The following TRPC3 variants were observed in gnomAD, a reference collection of about 807,000 sequenced individuals.
The protein encoded by TRPC3 is short transient receptor potential channel 3.
TRPC3 carries 54 observed loss-of-function variants against 90.9 expected under a neutral mutation model. The ratio of observed to expected loss-of-function variants is 0.59; its 90% confidence interval spans 0.48 to 0.75. The LOEUF (loss-of-function observed/expected upper bound fraction) is 0.75, where lower values mean the gene tolerates loss of function less well. TRPC3 is among the 30% of genes least tolerant of loss of function. The pLI is 0.00. For synonymous variants in TRPC3, 424 were observed against 450.9 expected (o/e 0.94, Z 0.75); for missense variants, 918 against 1,194.5 (o/e 0.77, Z 3.41).
chr4:121,887,317 A>G (rs1034830192), intron 10 of TRPC3, among the ~76,000 whole-genome samples: 2 of 152,178 alleles, frequency 1.3e-5, no homozygotes, highest in Non-Finnish European at 2.9e-5. Flanking sequence ...ATATTTGTCT[A>G]CTTATACTTT....
At chr4:121,924,810 G>C (rs369583311) in intron 3 of TRPC3, among the ~76,000 whole-genome samples, 13 of 152,282 alleles carry the variant, frequency 8.5e-5, no homozygotes, top group Middle Eastern at 3.4e-3. Flanking sequence ...AAAGCGCTGG[G>C]ATTACAGGCC....
At chr4:121,926,047 A>C (rs1729696288) in intron 2 of TRPC3, among the ~76,000 whole-genome samples, 1 of 152,236 alleles carries the variant, frequency 6.6e-6, no homozygotes, top group Non-Finnish European at 1.5e-5. Flanking sequence ...AACTAAGTCA[A>C]CTGTGTTAAA....
intron 9 of TRPC3, among the ~76,000 whole-genome samples, chr4:121,900,400 C>T (rs1028842521): frequency 6.6e-6 from 1 of 152,186 alleles, no homozygotes. Context: ...ACATGGCCCT[C>T]TAGCCAAAGA....
intron 5 of TRPC3, among the ~76,000 whole-genome samples, chr4:121,911,225 A>G (rs1167732225): frequency 1.3e-5 from 2 of 152,230 alleles, no homozygotes; most frequent in Non-Finnish European, 2.9e-5. Flanking sequence ...CATTGGATAA[A>G]ACAAATACAA....
chr4:121,932,916 C>T lies in TRPC3; in HGVS notation c.342G>A (p.Glu114=). 6.2e-7 allele frequency: 1 copy of T among 1,614,118 alleles called. No homozygotes were observed. Among genetic ancestry groups the T allele is most frequent in the Non-Finnish European group, 8.5e-7 (1 of 1,179,994 alleles). The change falls in exon 2 of 12, where the codon GAG becomes GAA. Residue 114 remains glutamate (E), a synonymous_variant. Coordinates refer to ENST00000379645, the MANE Select transcript of TRPC3 (RefSeq NM_001130698.2). The surrounding 1 kb of genome is among the most constrained non-coding windows in gnomAD (Gnocchi z 7.7). ...CGTACTCGGCGGCGTCGAGGAAGCG[C>T]TCCTCCTCGGCGGTGAGGCTGGTGC... is the stretch of plus-strand genomic sequence containing the variant. ...DRGTSLTAEE[E]RFLDAAEYGN...
In TRPC3 at chr4:121,929,926, T is replaced by C. The variant is rs962054400; in HGVS notation, c.987+2345A>G. Among the ~76,000 whole-genome samples, 6 of 152,066 alleles carry C rather than the reference T, an allele frequency of 3.9e-5. 1 individual carries two copies. The highest frequency in any genetic ancestry group is 1.3e-4 in the Admixed American group (2 of 15,248). ...GCTCAAAGTCCCCATGGGAAGAATA[T>C]AGCGAACACCATGGAATAGGGCAAA... On this transcript the variant is annotated intron_variant, in intron 2 of 11. Coordinates refer to ENST00000379645, the MANE Select transcript of TRPC3 (RefSeq NM_001130698.2).
chr4:121,881,310 C>T (rs1480989780), intron 11 of TRPC3, among the ~76,000 whole-genome samples: 3 of 151,978 alleles, frequency 2.0e-5, no homozygotes, highest in Non-Finnish European at 4.4e-5. Flanking sequence ...ATTGATTTTC[C>T]CCTTTTGTGC....
intron 1 of TRPC3, among the ~76,000 whole-genome samples, chr4:121,934,008 G>C (rs1330145035): frequency 1.3e-5 from 2 of 152,134 alleles, no homozygotes; most frequent in Non-Finnish European, 2.9e-5. Flanking sequence ...AAAATCACTA[G>C]AATTACTTTG....
chr4:121,885,894 C>A (rs1225807765), intron 10 of TRPC3, among the ~76,000 whole-genome samples: 1 of 152,114 alleles, frequency 6.6e-6, no homozygotes, highest in African/African-American at 2.4e-5. Flanking sequence ...TTTCTTGGTA[C>A]AAGCCTGTGA....
At chr4:121,896,144 T>A (rs930041902) in intron 10 of TRPC3, among the ~76,000 whole-genome samples, 1 of 152,056 alleles carries the variant, frequency 6.6e-6, no homozygotes, top group Non-Finnish European at 1.5e-5. Context: ...AAAATCTTAA[T>A]AAATTAGGTA....
Position 121,932,914 on chromosome 4 carries a change from C to G in TRPC3, c.344G>C (p.Arg115Pro), listed in dbSNP as rs780198602. The G allele has an allele frequency of 1.2e-6, 2 of 1,614,074 alleles. No individual in the cohort carries two copies. Among genetic ancestry groups the G allele is most frequent in the African/African-American group, 1.3e-5 (1 of 75,066 alleles). The change falls in exon 2 of 12, where the codon CGC becomes CCC. Residue 115 changes from arginine to proline, a missense_variant. Physicochemically the swap from Arg to Pro is moderately radical, Grantham distance 103 (BLOSUM62 -2). Coordinates refer to ENST00000379645, the MANE Select transcript of TRPC3 (RefSeq NM_001130698.2). This position sits in a 1 kb window ranked among gnomAD's most constrained non-coding sequence, Gnocchi z 7.7. Reference sequence around the variant, plus strand: ...GCCGTACTCGGCGGCGTCGAGGAAGCGCTCCTCCTCGGCGGTGAGGCTGGT... The same window carrying G: ...GCCGTACTCGGCGGCGTCGAGGAAGGGCTCCTCCTCGGCGGTGAGGCTGGT... ...RGTSLTAEEE[R>P]FLDAAEYGNI...
chr4:121,917,364 A>G (rs1729354926), intron 3 of TRPC3, among the ~76,000 whole-genome samples: 1 of 152,142 alleles, frequency 6.6e-6, no homozygotes, highest in East Asian at 1.9e-4. Flanking sequence ...CTGCTCCTGT[A>G]CTATATTTAG....
In TRPC3 at chr4:121,877,891, C is replaced by T. The variant is rs1727812608; in HGVS notation, c.*1845G>A. Among the ~76,000 whole-genome samples, 1 of 151,956 alleles carries T rather than the reference C, an allele frequency of 6.6e-6. No individual in the cohort carries two copies. Among genetic ancestry groups the T allele is most frequent in the African/African-American group, 2.4e-5 (1 of 41,338 alleles). On this transcript the variant is annotated 3_prime_UTR_variant, in exon 12 of 12. Coordinates refer to ENST00000379645, the MANE Select transcript of TRPC3 (RefSeq NM_001130698.2). ...TCCAAGAATCTTAGGCTGAATGTCCCCAGCTGAATCTGCCACTTTTTCATT... is the reference window on the plus strand; with the variant it reads ...TCCAAGAATCTTAGGCTGAATGTCCTCAGCTGAATCTGCCACTTTTTCATT...
intron 2 of TRPC3, among the ~76,000 whole-genome samples, chr4:121,926,686 C>T (rs1464036192): frequency 6.6e-6 from 1 of 152,172 alleles, no homozygotes; most frequent in African/African-American, 2.4e-5. Context: ...GGATTACAGG[C>T]ATGAGTCACC....
intron 10 of TRPC3, 107 bp downstream of exon 10, chr4:121,899,505 T>A (rs1728630469): frequency 1.2e-6 from 1 of 853,056 alleles, no homozygotes; most frequent in East Asian, 2.5e-5. Context: ...CATGGTATAA[T>A]GGTATATCTC....
rs1480352014 is a variant in TRPC3 at position 121,932,496 on chromosome 4, C to T, written c.762G>A (p.Met254Ile). Residue 254 changes from methionine (M) to isoleucine (I), a missense_variant, in exon 2 of 12, where the codon ATG (methionine) becomes ATA (isoleucine). Physicochemically the swap from Met to Ile is conservative, Grantham distance 10. This residue lies in a region of TRPC3 where 609 missense variants were observed against 725.9 expected (regional missense o/e 0.84). Coordinates refer to ENST00000379645, the MANE Select transcript of TRPC3 (RefSeq NM_001130698.2). This position sits in a 1 kb window ranked among gnomAD's most constrained non-coding sequence, Gnocchi z 7.7. ...GCGGCCGCTCGATCCTGGCACCCTT[C>T]ATCAGCAGCATGTGCACCACTTCGT... ...QKYEVVHMLL[M>I]KGARIERPHD... The T allele has an allele frequency of 1.2e-6, 2 of 1,614,134 alleles. No individual in the cohort carries two copies. Among genetic ancestry groups the T allele is most frequent in the African/African-American group, 1.3e-5 (1 of 74,948 alleles).
chr4:121,881,806 A>G (rs1578592027), intron 11 of TRPC3, among the ~76,000 whole-genome samples: 1 of 152,264 alleles, frequency 6.6e-6, no homozygotes, highest in East Asian at 1.9e-4. Flanking sequence ...AAAAATTTTT[A>G]TAGTCCAGAG....
chr4:121,928,053 A>G (rs1206659660), intron 2 of TRPC3, among the ~76,000 whole-genome samples: 1 of 152,182 alleles, frequency 6.6e-6, no homozygotes, highest in Non-Finnish European at 1.5e-5. Flanking sequence ...GATTTGGTAC[A>G]ACATAGGGTG....
chr4:121,948,104 T>C (rs2149157656), intron 1 of TRPC3, among the ~76,000 whole-genome samples: 1 of 152,214 alleles, frequency 6.6e-6, no homozygotes, highest in Non-Finnish European at 1.5e-5. Flanking sequence ...CAGACAGCTT[T>C]AAACTTGTAT....
Sources: allele counts gnomAD v4.1 joint callset (sites outside exome capture counted in the v4.1 genomes callset), GRCh38; gene constraint gnomAD v4.1.1; regional missense constraint gnomAD v4.1.1; non-coding constraint Gnocchi (gnomAD v3.1); transcripts MANE v1.5; gene names NCBI Gene and HGNC (gene_info 2026-07-23, HGNC 2026-07-21).